The following PTPRG variants were observed in gnomAD, a reference collection of about 807,000 sequenced individuals.
The protein encoded by PTPRG is protein tyrosine phosphatase receptor type G.
Under a neutral mutation model 165.3 loss-of-function variants are expected in PTPRG, and 102 were observed. That is an observed-to-expected ratio of 0.62 (90% CI 0.53 to 0.73). The LOEUF is 0.73. PTPRG is among the 30% of genes least tolerant of loss of function. The pLI is 0.00. For missense variants in PTPRG, 1,866 were observed against 1,861.4 expected, an observed-to-expected ratio of 1.00 and a Z score of -0.05; for synonymous variants, 675 against 669.5, an observed-to-expected ratio of 1.01 and a Z score of -0.13.
chr3:61,882,764 T>C (rs1338130037), intron 2 of PTPRG, among the ~76,000 whole-genome samples: 1 of 152,224 alleles, frequency 6.6e-6, no homozygotes, highest in Non-Finnish European at 1.5e-5. Flanking sequence ...TACATGTTTT[T>C]GTTTGTTTCT....
At position 61,616,756 on chromosome 3, in the gene PTPRG, A is replaced by G. The variant is rs777416661; in HGVS notation, c.85+54384A>G. ...GTGTTGGCTAGATTTCATTCTCTCA[A>G]TTGACCGGACACCTTTGTGTTAATA... is the stretch of plus-strand genomic sequence containing the variant. On this transcript the variant is annotated intron_variant, in intron 1 of 29. Coordinates refer to ENST00000474889, the MANE Select transcript of PTPRG (RefSeq NM_002841.4). Among the ~76,000 whole-genome samples the G allele has an allele frequency of 4.6e-5, 7 of 152,106 alleles. 1 individual carries two copies. In the South Asian group the frequency reaches 1.2e-3, roughly 27 times the overall value.
At chr3:61,730,767 C>T (rs1442852094) in intron 1 of PTPRG, among the ~76,000 whole-genome samples, 1 of 152,144 alleles carries the variant, frequency 6.6e-6, no homozygotes, top group Non-Finnish European at 1.5e-5. Context: ...GCCTAGACTT[C>T]TTAGAAAGTT....
At chr3:61,995,822 T>C (rs771282167) in intron 3 of PTPRG, among the ~76,000 whole-genome samples, 2 of 151,466 alleles carry the variant, frequency 1.3e-5, no homozygotes, top group Non-Finnish European at 2.9e-5. Flanking sequence ...CAAGCTGGAG[T>C]GCAGTGGTGC....
chr3:61,933,357 TG>T (rs2039407626), intron 2 of PTPRG, among the ~76,000 whole-genome samples: 1 of 152,180 alleles, frequency 6.6e-6, no homozygotes, highest in East Asian at 1.9e-4. Flanking sequence ...TTAATTGTAC[TG>T]GGTACCTGAT....
intron 2 of PTPRG, among the ~76,000 whole-genome samples, chr3:61,921,276 T>A (rs1237778106): frequency 6.6e-6 from 1 of 152,174 alleles, no homozygotes; most frequent in Non-Finnish European, 1.5e-5. Flanking sequence ...AAGATAAATC[T>A]TGTTGAAGAG....
At chr3:61,797,440 C>T (rs758567592) in intron 2 of PTPRG, among the ~76,000 whole-genome samples, 2 of 151,962 alleles carry the variant, frequency 1.3e-5, no homozygotes, top group African/African-American at 4.8e-5. Flanking sequence ...ATGTTAGTAA[C>T]CTTTTTCCGT....
chr3:61,945,151 A>G (rs1377922793), intron 2 of PTPRG, among the ~76,000 whole-genome samples: 1 of 152,192 alleles, frequency 6.6e-6, no homozygotes, highest in Non-Finnish European at 1.5e-5. Context: ...GTTGTAAGGT[A>G]TATAGTCTTG....
intron 1 of PTPRG, chr3:61,743,082 G>A (rs553022395): frequency 4.7e-4 from 751 of 1,586,188 alleles, no homozygotes; most frequent in Non-Finnish European, 6.3e-4. Flanking sequence ...CCTCGTACAG[G>A]GTGTTGCGAG....
chr3:62,164,654 G>C (rs1418874276), intron 7 of PTPRG, among the ~76,000 whole-genome samples: 1 of 152,166 alleles, frequency 6.6e-6, no homozygotes, highest in Non-Finnish European at 1.5e-5. Context: ...TTAATAACAA[G>C]GAAGCCACCA....
At chr3:61,648,094 A>C (rs569449761) in intron 1 of PTPRG, among the ~76,000 whole-genome samples, 40 of 152,206 alleles carry the variant, frequency 2.6e-4, no homozygotes, top group Non-Finnish European at 1.6e-4. Context: ...GTTTGATTAA[A>C]CCAGTCCTAT....
intron 2 of PTPRG, among the ~76,000 whole-genome samples, chr3:61,830,426 T>C (rs781453172): frequency 2.6e-5 from 4 of 152,190 alleles, no homozygotes; most frequent in Non-Finnish European, 5.9e-5. Flanking sequence ...TGTCTGTCTA[T>C]AGATATCTTT....
intron 9 of PTPRG, among the ~76,000 whole-genome samples, chr3:62,192,591 T>C (rs1403220494): frequency 6.6e-6 from 1 of 151,788 alleles, no homozygotes; most frequent in Non-Finnish European, 1.5e-5. Context: ...TTTTGTATTT[T>C]TAGTAGAGAC....
At chr3:61,734,357 A>G (rs2032635744) in intron 1 of PTPRG, among the ~76,000 whole-genome samples, 1 of 152,156 alleles carries the variant, frequency 6.6e-6, no homozygotes, top group South Asian at 2.1e-4. Flanking sequence ...TGCAAGAAAA[A>G]CTGGAGGTTT....
At chr3:61,593,708 GAA>G (rs751784249) in intron 1 of PTPRG, among the ~76,000 whole-genome samples, 2 of 38,472 alleles carry the variant, frequency 5.2e-5, no homozygotes, top group East Asian at 4.4e-4. Flanking sequence ...AGGAAAACTG[GAA>G]AAAAAAAAAA....
chr3:61,937,121 A>G (rs2039500658), intron 2 of PTPRG, among the ~76,000 whole-genome samples: 1 of 152,200 alleles, frequency 6.6e-6, no homozygotes, highest in African/African-American at 2.4e-5. Flanking sequence ...TGTAGCATCA[A>G]AGGAAATCAC....
Position 61,710,703 on chromosome 3 carries a change from C to T in PTPRG, c.86-38175C>T, listed in dbSNP as rs966411657. Among the ~76,000 whole-genome samples, 23 of 151,758 alleles carry T rather than the reference C, an allele frequency of 1.5e-4. 1 individual carries two copies. The highest frequency in any genetic ancestry group is 1.0e-3 in the South Asian group (5 of 4,806). On this transcript the variant is annotated intron_variant, in intron 1 of 29. Coordinates refer to ENST00000474889, the MANE Select transcript of PTPRG (RefSeq NM_002841.4). ...ACAGTCCTTCTTTTTCCAGTGTGGC[C>T]GAGGGAAGCTAAAAGATTGGATACC...
intron 5 of PTPRG, among the ~76,000 whole-genome samples, chr3:62,097,425 A>G (rs565221298): frequency 6.6e-6 from 1 of 152,176 alleles, no homozygotes; most frequent in Non-Finnish European, 1.5e-5. Context: ...TGACATTTTC[A>G]CGTAAAATAA....
intron 2 of PTPRG, among the ~76,000 whole-genome samples, chr3:61,836,911 A>ATTT (rs1025760600): frequency 1.7e-5 from 2 of 120,466 alleles, no homozygotes. Flanking sequence ...GGCCTGGCTG[A>ATTT]TTTTTTTTTT....
At chr3:62,011,833 C>G in intron 4 of PTPRG, among the ~76,000 whole-genome samples, 1 of 152,298 alleles carries the variant, frequency 6.6e-6, no homozygotes, top group East Asian at 1.9e-4. Context: ...CAGTCCTCAT[C>G]GCAGTCATCC....
Sources: gnomAD v4.1 joint callset for allele counts (sites outside exome capture counted in the v4.1 genomes callset) on GRCh38, gnomAD v4.1.1 for gene constraint, MANE v1.5 for transcripts, NCBI Gene and HGNC (gene_info 2026-07-23, HGNC 2026-07-21) for gene names.